The following NTAQ1 variants were observed in gnomAD, a reference collection of about 807,000 sequenced individuals.
NTAQ1 encodes the protein N-terminal glutamine amidase 1.
A neutral mutation model predicts 28.2 loss-of-function variants in NTAQ1; 21 were observed. The ratio of observed to expected loss-of-function variants is 0.74; its 90% CI spans 0.53 to 1.07. The LOEUF is 1.07. Among genes scored for constraint, NTAQ1 ranks in the 50% least tolerant of loss-of-function variants. The pLI is 0.00. For synonymous variants in NTAQ1, 105 were observed against 90.0 expected (o/e 1.17, Z -0.94); for missense variants, 264 against 256.6 (o/e 1.03, Z -0.20).
downstream of NTAQ1, among the ~76,000 whole-genome samples, chr8:123,470,911 C>CTTTTTTCTTTTTTT (rs1563910545): frequency 9.3e-6 from 1 of 107,058 alleles, no homozygotes; most frequent in East Asian, 2.2e-4. Flanking sequence ...TTTCTCCTTC[C>CTTTTTTCTTTTTTT]TTTTTTCTTT....
intron 1 of NTAQ1, among the ~76,000 whole-genome samples, chr8:123,425,201 C>T (rs987302751): frequency 1.3e-5 from 2 of 152,070 alleles, no homozygotes; most frequent in Non-Finnish European, 2.9e-5. Flanking sequence ...AAGCGATTCT[C>T]CTGCCTCAGC....
intron 2 of NTAQ1, among the ~76,000 whole-genome samples, chr8:123,428,821 C>T (rs185743002): frequency 3.0e-4 from 46 of 152,244 alleles, no homozygotes; most frequent in South Asian, 1.7e-3. Context: ...AGTCTGGTCT[C>T]GAACTCCTAA....
chr8:123,421,458 G>C (rs552036125), intron 1 of NTAQ1, among the ~76,000 whole-genome samples: 1 of 151,330 alleles, frequency 6.6e-6, no homozygotes. Flanking sequence ...CTAATGATTA[G>C]TGTTGTTGAG....
intron 6 of NTAQ1, among the ~76,000 whole-genome samples, chr8:123,453,378 G>T (rs1815559316): frequency 6.6e-6 from 1 of 151,776 alleles, no homozygotes; most frequent in Non-Finnish European, 1.5e-5. Flanking sequence ...GTGTGTGTTG[G>T]CAGGGAAGAG....
At chr8:123,456,144 C>T (rs1427734732) in intron 6 of NTAQ1, among the ~76,000 whole-genome samples, 1 of 152,138 alleles carries the variant, frequency 6.6e-6, no homozygotes, top group African/African-American at 2.4e-5. Context: ...AATGCCAAAC[C>T]CCAGTGGTCA....
chr8:123,439,328 A>C (rs1327130591), intron 5 of NTAQ1, among the ~76,000 whole-genome samples: 1 of 143,776 alleles, frequency 7.0e-6, no homozygotes. Flanking sequence ...ACAGGCATAC[A>C]CCATCACACC....
intron 5 of NTAQ1, among the ~76,000 whole-genome samples, chr8:123,439,260 C>T (rs1200678768): frequency 6.6e-6 from 1 of 151,920 alleles, no homozygotes. Flanking sequence ...CTCACTGCAA[C>T]CTCCATCTCC....
At chr8:123,448,953 A>C (rs1815381936), downstream of NTAQ1, among the ~76,000 whole-genome samples, 1 of 152,178 alleles carries the variant, frequency 6.6e-6, no homozygotes, top group African/African-American at 2.4e-5. Context: ...GGCTGAGAGG[A>C]CCAGACTAGA....
intron 6 of NTAQ1, among the ~76,000 whole-genome samples, chr8:123,459,863 A>G (rs2130418895): frequency 7.2e-6 from 1 of 138,854 alleles, no homozygotes; most frequent in South Asian, 2.2e-4. Context: ...GTGCAATGGC[A>G]CGATCTCAGC....
At chr8:123,473,826 T>C (rs1816065627), downstream of NTAQ1, among the ~76,000 whole-genome samples, 1 of 152,232 alleles carries the variant, frequency 6.6e-6, no homozygotes, top group Non-Finnish European at 1.5e-5. Context: ...TTTAACTTTA[T>C]GACCTCTAAT....
At chr8:123,470,191 AT>A (rs1816027740), downstream of NTAQ1, among the ~76,000 whole-genome samples, 1 of 152,168 alleles carries the variant, frequency 6.6e-6, no homozygotes, top group Admixed American at 6.5e-5. Context: ...TGATTTTGAA[AT>A]TTCCAGGCTT....
rs1813315976 is a variant in NTAQ1 at position 123,416,784 on chromosome 8, C to T, written c.-66C>T. 3 of 1,456,166 alleles carry T rather than the reference C, an allele frequency of 2.1e-6. No individual in the cohort carries two copies. The highest frequency in any genetic ancestry group is 5.7e-5 in the East Asian group (2 of 34,836). The allele number at this position is 1,456,166 out of a possible 1,614,324, so 90.2% of individuals were successfully genotyped here. ...GAACCCACGCGGGCCACTACAAGCC[C>T]GCCCTTTCCTACGTCTGGTCCAGTC... is the stretch of plus-strand genomic sequence containing the variant. On this transcript the variant is annotated 5_prime_UTR_variant, in exon 1 of 6. Transcript: ENST00000287387.
chr8:123,426,627 C>T (rs1814068553), intron 1 of NTAQ1, among the ~76,000 whole-genome samples: 1 of 151,988 alleles, frequency 6.6e-6, no homozygotes, highest in South Asian at 2.1e-4. Context: ...AGCCACTGCA[C>T]TTCATTCAGC....
rs1177729943 is a variant in NTAQ1 at position 123,435,648 on chromosome 8, C to T, written c.235-805C>T. On this transcript the variant is annotated intron_variant, in intron 3 of 5. Transcript: ENST00000287387. ...TTGGGAGGCTGAGGCGGGGGGATCA[C>T]TTGAGGCCAGAAGTTGGAGACCAGC... is the stretch of plus-strand genomic sequence containing the variant. The T allele has an allele frequency of 2.2e-5, 11 of 491,790 alleles. No homozygotes were observed. The East Asian group carries it at 1.4e-3, about 61-fold the overall frequency. 30.5% of individuals were successfully genotyped at this position (491,790 alleles called of 1,614,324 possible). A position where few individuals can be genotyped will look rare whatever the true frequency, so the allele number is the denominator to read the frequency against.
At chr8:123,459,272 A>T (rs928936826) in intron 6 of NTAQ1, among the ~76,000 whole-genome samples, 2 of 151,898 alleles carry the variant, frequency 1.3e-5, no homozygotes, top group African/African-American at 4.8e-5. Context: ...GTAGATGAAC[A>T]GCCAGATGAA....
chr8:123,475,145 A>G, the NTAQ1 span, among the ~76,000 whole-genome samples: 1 of 152,140 alleles, frequency 6.6e-6, no homozygotes, highest in African/African-American at 2.4e-5. Context: ...TTATAATCGA[A>G]CACTGTCATT....
chr8:123,422,719 G>C (rs1247088493), intron 1 of NTAQ1, among the ~76,000 whole-genome samples: 1 of 151,342 alleles, frequency 6.6e-6, no homozygotes, highest in African/African-American at 2.4e-5. Context: ...ATCTTTGCCA[G>C]GGCCTATGTC....
At chr8:123,432,738 G>A (rs1270811652) in intron 3 of NTAQ1, among the ~76,000 whole-genome samples, 2 of 150,304 alleles carry the variant, frequency 1.3e-5, no homozygotes, top group Non-Finnish European at 2.9e-5. Context: ...GGAGTGCAGT[G>A]GTGTGATCTC....
At chr8:123,432,437 C>G (rs1252611931) in intron 3 of NTAQ1, among the ~76,000 whole-genome samples, 1 of 151,914 alleles carries the variant, frequency 6.6e-6, no homozygotes, top group Non-Finnish European at 1.5e-5. Context: ...GTCAGGAGTT[C>G]GAGACCAGCC....
Sources: gnomAD v4.1 joint callset for allele counts (sites outside exome capture counted in the v4.1 genomes callset) on GRCh38, gnomAD v4.1.1 for gene constraint, MANE v1.5 for transcripts, NCBI Gene and HGNC (gene_info 2026-07-23, HGNC 2026-07-21) for gene names.